Variants in UBN2 observed in about 807,000 individuals in gnomAD.
The protein encoded by UBN2 is ubinuclein 2.
Under a neutral mutation model 120.2 loss-of-function variants are expected in UBN2, and 35 were observed. The observed-to-expected ratio is 0.29, with a 90% CI of 0.22 to 0.39. The LOEUF (loss-of-function observed/expected upper bound fraction) is 0.39, where lower values mean the gene tolerates loss of function less well. UBN2 is among the 10% of genes least tolerant of loss of function. The probability of loss-of-function intolerance (pLI) is 1.00; values close to 1 mark genes in which losing one functional copy is unlikely to be tolerated. For missense variants in UBN2, 1,693 were observed against 1,663.2 expected, an observed-to-expected ratio of 1.02 and a Z score of -0.31; for synonymous variants, 661 against 648.7, an observed-to-expected ratio of 1.02 and a Z score of -0.29.
intron 11 of UBN2, among the ~76,000 whole-genome samples, chr7:139,275,410 C>G (rs1797413234): frequency 1.3e-5 from 2 of 150,266 alleles, no homozygotes; most frequent in Admixed American, 1.3e-4. Flanking sequence ...GGTGAAACCC[C>G]GTCTCTACTA....
At chr7:139,310,478 C>T (rs916999540), downstream of UBN2, among the ~76,000 whole-genome samples, 5 of 152,148 alleles carry the variant, frequency 3.3e-5, no homozygotes, top group African/African-American at 1.2e-4. Flanking sequence ...GTAATATAAA[C>T]TTAGCATACC....
At chr7:139,297,172 C>T (rs572833201) in intron 17 of UBN2, among the ~76,000 whole-genome samples, 47 of 144,392 alleles carry the variant, frequency 3.3e-4, no homozygotes, top group African/African-American at 8.5e-4. Context: ...CCAGCCTGGG[C>T]GACAGAGCGA....
At position 139,303,365 on chromosome 7, in the gene UBN2, G is replaced by A. The variant is rs1280628556; in HGVS notation, c.*5529G>A. 6.6e-6 allele frequency: 1 copy of A among 152,152 alleles called. No homozygotes were observed. Among genetic ancestry groups the A allele is most frequent in the Non-Finnish European group, 1.5e-5 (1 of 68,038 alleles). The allele number at this position is 152,152 out of a possible 1,614,324, so 9.4% of individuals were successfully genotyped here. On this transcript the variant is annotated 3_prime_UTR_variant, in exon 18 of 18. Transcript: ENST00000473989. The stretch of plus-strand genomic sequence containing the variant: ...CAAGTTGAACCATCCCTCAGACCCA[G>A]TACAAATATACCTAGTAAGTGCCCC...
intron 3 of UBN2, among the ~76,000 whole-genome samples, chr7:139,254,374 A>T (rs1212421634): frequency 6.6e-6 from 1 of 152,238 alleles, no homozygotes; most frequent in Admixed American, 6.5e-5. Context: ...GAAGTAACAT[A>T]TTGCCAGTGC....
chr7:139,310,729 T>C (rs1053782653), downstream of UBN2, among the ~76,000 whole-genome samples: 1 of 152,156 alleles, frequency 6.6e-6, no homozygotes, highest in Non-Finnish European at 1.5e-5. Flanking sequence ...GCCGAGATCG[T>C]GCTACTGCAC....
At chr7:139,250,943 C>T (rs1279903364) in intron 2 of UBN2, among the ~76,000 whole-genome samples, 1 of 151,840 alleles carries the variant, frequency 6.6e-6, no homozygotes, top group Non-Finnish European at 1.5e-5. Context: ...CCTGTCTCTA[C>T]AAAAATATTT....
chr7:139,242,130 A>G (rs951045815), intron 2 of UBN2, among the ~76,000 whole-genome samples: 7 of 152,330 alleles, frequency 4.6e-5, no homozygotes, highest in African/African-American at 1.7e-4. Context: ...AGTAAATACT[A>G]CTCGGCTAAG....
At chr7:139,281,640 A>G (rs888431923) in intron 13 of UBN2, among the ~76,000 whole-genome samples, 10 of 152,240 alleles carry the variant, frequency 6.6e-5, no homozygotes, top group Non-Finnish European at 1.5e-4. Context: ...AAATCTGCAC[A>G]GTATTCTATT....
chr7:139,238,410 T>A (rs1024179116), intron 2 of UBN2, among the ~76,000 whole-genome samples: 1 of 152,096 alleles, frequency 6.6e-6, no homozygotes, highest in Non-Finnish European at 1.5e-5. Context: ...GTTTTTTAGC[T>A]TTGGGCCACA....
intron 17 of UBN2, among the ~76,000 whole-genome samples, chr7:139,295,627 T>G (rs1241409406): frequency 6.6e-6 from 1 of 152,352 alleles, no homozygotes; most frequent in South Asian, 2.1e-4. Flanking sequence ...TTAAAAAGTT[T>G]AAAATTTTTC....
Position 139,299,367 on chromosome 7 carries a change from A to G in UBN2, c.*1531A>G, listed in dbSNP as rs923108449. 8.5e-5 allele frequency: 13 copies of G among 152,292 alleles called. No individual in the cohort carries two copies. The highest frequency in any genetic ancestry group is 3.1e-4 in the African/African-American group (13 of 41,574). 9.4% of individuals were successfully genotyped at this position (152,292 alleles called of 1,614,324 possible). A position where few individuals can be genotyped will look rare whatever the true frequency, so the allele number is the denominator to read the frequency against. Reference sequence around the variant, plus strand: ...TGTTTATTATACATTACCCTATACCATTAGATTTACTCAATTAAGAGTATT... The same window carrying G: ...TGTTTATTATACATTACCCTATACCGTTAGATTTACTCAATTAAGAGTATT... On this transcript the variant is annotated 3_prime_UTR_variant, in exon 18 of 18. Transcript: ENST00000473989.
At position 139,300,862 on chromosome 7, in the gene UBN2, G is replaced by C. The variant is rs1798239118; in HGVS notation, c.*3026G>C. ...GCCTCAGTTGGAGACTGGGAGCAAA[G>C]TGTCAAGCTCATTCAGAGCATCCAG... On this transcript the variant is annotated 3_prime_UTR_variant, in exon 18 of 18. Transcript: ENST00000473989. 1 of 152,192 alleles carries C rather than the reference G, an allele frequency of 6.6e-6. No individual in the cohort carries two copies. The highest frequency in any genetic ancestry group is 1.5e-5 in the Non-Finnish European group (1 of 68,032). The allele number at this position is 152,192 out of a possible 1,614,324, so 9.4% of individuals were successfully genotyped here.
chr7:139,297,372 TTTATTTCAC>T (rs1451222654), intron 17 of UBN2, among the ~76,000 whole-genome samples: 1 of 151,706 alleles, frequency 6.6e-6, no homozygotes, highest in Non-Finnish European at 1.5e-5. Context: ...GGCAAGAAAT[TTTATTTCAC>T]TTACAAAAAA....
chr7:139,239,626 C>T (rs1222975212), intron 2 of UBN2, among the ~76,000 whole-genome samples: 3 of 138,136 alleles, frequency 2.2e-5, no homozygotes, highest in Non-Finnish European at 3.0e-5. Flanking sequence ...GGCGCTATCT[C>T]GGCTCACTGC....
chr7:139,322,326 G>C, the UBN2 span, among the ~76,000 whole-genome samples: 3 of 152,122 alleles, frequency 2.0e-5, no homozygotes, highest in African/African-American at 4.8e-5. Context: ...TCTTTAACCT[G>C]TTTGTTACCC....
At chr7:139,269,784 T>C (rs1160498913) in intron 8 of UBN2, among the ~76,000 whole-genome samples, 1 of 152,204 alleles carries the variant, frequency 6.6e-6, no homozygotes, top group African/African-American at 2.4e-5. Context: ...TGACAAACAG[T>C]ATTTTTTAAT....
chr7:139,326,256 AAAACAAACAAACAAACAAAC>A, the UBN2 span, among the ~76,000 whole-genome samples: 3 of 151,542 alleles, frequency 2.0e-5, no homozygotes, highest in Non-Finnish European at 2.9e-5. Flanking sequence ...ACTCTGTCTC[AAAACAAACAAACAAACAAAC>A]AAACAAACAA....
intron 6 of UBN2, among the ~76,000 whole-genome samples, chr7:139,265,436 C>T (rs919365258): frequency 6.6e-6 from 1 of 152,084 alleles, no homozygotes; most frequent in African/African-American, 2.4e-5. Context: ...CGAGATCGCG[C>T]CACTGCACTC....
chr7:139,237,742 G>C (rs1796203439), intron 2 of UBN2, among the ~76,000 whole-genome samples: 1 of 152,122 alleles, frequency 6.6e-6, no homozygotes, highest in African/African-American at 2.4e-5. Flanking sequence ...TACAGGTCCA[G>C]GTCTGTGTAG....
Sources: gnomAD v4.1 joint callset for allele counts (sites outside exome capture counted in the v4.1 genomes callset) on GRCh38, gnomAD v4.1.1 for gene constraint, MANE v1.5 for transcripts, NCBI Gene and HGNC (gene_info 2026-07-23, HGNC 2026-07-21) for gene names.